The following TRIM9 variants were observed in gnomAD, a reference collection of about 807,000 sequenced individuals.
The protein encoded by TRIM9 is E3 ubiquitin-protein ligase TRIM9.
Under a neutral mutation model 78.3 loss-of-function variants are expected in TRIM9, and 26 were observed. That is an observed-to-expected ratio of 0.33 (90% CI 0.24 to 0.46). TRIM9 has a LOEUF of 0.46. Ranked by LOEUF, TRIM9 falls within the 20% of genes least tolerant of loss-of-function variation. The pLI is 1.00. For missense variants in TRIM9, 787 were observed against 1,036.4 expected, an observed-to-expected ratio of 0.76 and a Z score of 3.30; for synonymous variants, 398 against 416.5, an observed-to-expected ratio of 0.96 and a Z score of 0.54.
At chr14:51,006,755 G>T (rs1252279756) in intron 5 of TRIM9, among the ~76,000 whole-genome samples, 1 of 152,168 alleles carries the variant, frequency 6.6e-6, no homozygotes, top group Non-Finnish European at 1.5e-5. Context: ...TGTGGTTTCA[G>T]ATGGATTTGT....
intron 1 of TRIM9, among the ~76,000 whole-genome samples, chr14:51,025,809 C>CT (rs1182000306): frequency 1.3e-5 from 2 of 152,098 alleles, no homozygotes; most frequent in African/African-American, 4.8e-5. Context: ...GGGGTAGGTA[C>CT]TGGTGTGATC....
At chr14:51,004,117 C>T (rs1036929190) in intron 5 of TRIM9, among the ~76,000 whole-genome samples, 1 of 152,200 alleles carries the variant, frequency 6.6e-6, no homozygotes, top group African/African-American at 2.4e-5. Flanking sequence ...TTGGGGCTGT[C>T]ATAGCTATAT....
intron 8 of TRIM9, among the ~76,000 whole-genome samples, chr14:50,984,936 A>G (rs1320256667): frequency 6.6e-6 from 1 of 152,200 alleles, no homozygotes; most frequent in African/African-American, 2.4e-5. Context: ...CACAAAGAAG[A>G]ATGTCATTTT....
rs946761800 is a variant in TRIM9, at chr14:51,025,341, A to C, written c.842T>G (p.Leu281Arg). Residue 281 changes from leucine to arginine, a missense_variant, in exon 2 of 13, where the codon CTG becomes CGG. Around this residue, in one of 3 missense-constraint regions of TRIM9, gnomAD observed 352 missense variants for 472.3 expected, o/e 0.75. Transcript: ENST00000684578. ...TTTGGCCCTGTCTGACAGTCCGTTCAGCGCCTGGGAGAGCTGGCTCTGCAA... is the reference window on the plus strand; with the variant it reads ...TTTGGCCCTGTCTGACAGTCCGTTCCGCGCCTGGGAGAGCTGGCTCTGCAA... Reference protein sequence around the residue: ...KLHKSQLSQALNGLSDRAKEA... With the variant: ...KLHKSQLSQARNGLSDRAKEA... The C allele has an allele frequency of 3.1e-6, 5 of 1,614,138 alleles. No individual in the cohort carries two copies. The highest frequency in any genetic ancestry group is 3.4e-6 in the Non-Finnish European group (4 of 1,180,012).
At position 50,997,998 on chromosome 14, in the gene TRIM9, C is replaced by T. The variant is rs375992413; in HGVS notation, c.1603+52G>A. The T allele has an allele frequency of 5.0e-6, 8 of 1,611,142 alleles. No homozygotes were observed. The African/African-American group carries it at 1.1e-4, about 22-fold the overall frequency. Reference sequence around the variant, plus strand: ...GGGTTACCTCCGGGCTTGCCAGCCACTTTAGATGCCACGCAGTTCTCGCTC... The same window carrying T: ...GGGTTACCTCCGGGCTTGCCAGCCATTTTAGATGCCACGCAGTTCTCGCTC... On this transcript the variant is annotated intron_variant, in intron 7 of 12. Transcript: ENST00000684578.
chr14:51,070,516 AT>A (rs199920531), intron 1 of TRIM9, among the ~76,000 whole-genome samples: 621 of 143,924 alleles, frequency 4.3e-3, no homozygotes, highest in Admixed American at 5.0e-3. Context: ...AGTGTTTCAG[AT>A]TTTTTTTTTT....
Position 51,094,429 on chromosome 14 carries a change from A to G in TRIM9, c.511T>C (p.Cys171Arg). 6.2e-7 allele frequency: 1 copy of G among 1,613,980 alleles called. No individual in the cohort carries two copies. The highest frequency in any genetic ancestry group is 8.5e-7 in the Non-Finnish European group (1 of 1,180,016). ...GTGGCTTCCTTGGGCGCCTTCTCGC[A>G]GAGCTGGCACTTGAGGGCCGCGGCT... is the stretch of plus-strand genomic sequence containing the variant. The part of the protein sequence containing the change: ...SKAAALKCQL[C>R]EKAPKEATVM... The change falls in exon 1 of 13, where the codon TGC (cysteine) becomes CGC (arginine). Residue 171 changes from cysteine (C) to arginine (R), a missense_variant. Physicochemically the swap from Cys to Arg is radical, Grantham distance 180. Transcript: ENST00000684578.
intron 1 of TRIM9, among the ~76,000 whole-genome samples, chr14:51,068,560 TC>T (rs1164108651): frequency 6.6e-6 from 1 of 152,210 alleles, no homozygotes; most frequent in African/African-American, 2.4e-5. Flanking sequence ...GTTATTTTTA[TC>T]CCCGTTTTAC....
chr14:51,043,913 T>C (rs1248304120), intron 1 of TRIM9, among the ~76,000 whole-genome samples: 1 of 152,208 alleles, frequency 6.6e-6, no homozygotes, highest in Non-Finnish European at 1.5e-5. Flanking sequence ...ATTATTATTA[T>C]ATTAAATCTG....
intron 1 of TRIM9, among the ~76,000 whole-genome samples, chr14:51,085,897 G>A (rs143161105): frequency 8.3e-4 from 126 of 152,274 alleles, no homozygotes; most frequent in African/African-American, 2.9e-3. Flanking sequence ...TGACAGAGAA[G>A]CAGGATGAAC....
Position 50,979,473 on chromosome 14 carries a change from T to TA in TRIM9, c.2238dup (p.Ile747TyrfsTer4), listed in dbSNP as rs1367169899. 1 of 1,614,202 alleles carries TA rather than the reference T, an allele frequency of 6.2e-7. No homozygotes were observed. Among genetic ancestry groups the TA allele is most frequent in the Non-Finnish European group, 8.5e-7 (1 of 1,180,040 alleles). ...ATGGGACCTTGTTGTTCATCGTTGA[T>TA]AAAAAATGTCAAGTTTTTTCTATTT... is the stretch of plus-strand genomic sequence containing the variant. On this transcript the variant is annotated frameshift_variant, in exon 12 of 13. Transcript: ENST00000684578. LOFTEE classifies it high-confidence loss of function.
At chr14:50,994,076 T>A (rs1240703782) in intron 7 of TRIM9, among the ~76,000 whole-genome samples, 1 of 152,186 alleles carries the variant, frequency 6.6e-6, no homozygotes, top group East Asian at 1.9e-4. Context: ...TACTGGATTA[T>A]CCAGGTGGGC....
intron 3 of TRIM9, among the ~76,000 whole-genome samples, chr14:51,010,991 C>T (rs781272629): frequency 1.3e-5 from 2 of 152,148 alleles, no homozygotes; most frequent in African/African-American, 4.8e-5. Flanking sequence ...CCCCACAGCC[C>T]CACGGTCAAT....
intron 1 of TRIM9, among the ~76,000 whole-genome samples, chr14:51,031,149 A>AG (rs2058698327): frequency 6.7e-6 from 1 of 148,434 alleles, no homozygotes; most frequent in Non-Finnish European, 1.5e-5. Flanking sequence ...ACTCTTTCCA[A>AG]AAAAAAAAAA....
Position 51,015,241 on chromosome 14 carries a change from G to C in TRIM9, c.1042-4747C>G, listed in dbSNP as rs189731538. ...CAGTAGCACAGAGCAACTCAGGAGA[G>C]AGTACACAATACACAGGTAAAATTT... On this transcript the variant is annotated intron_variant, in intron 3 of 12. Transcript: ENST00000684578. Among the ~76,000 whole-genome samples, 295 of 152,224 alleles carry C rather than the reference G, an allele frequency of 1.9e-3. 2 individuals are homozygous for C. The highest frequency in any genetic ancestry group is 7.7e-4 in the East Asian group (4 of 5,166).
At chr14:51,071,100 C>A (rs1050108759) in intron 1 of TRIM9, among the ~76,000 whole-genome samples, 1 of 151,974 alleles carries the variant, frequency 6.6e-6, no homozygotes, top group East Asian at 1.9e-4. Flanking sequence ...GTGGAGGCGG[C>A]CAGGCACAGG....
At chr14:50,991,151 A>T (rs1380247587) in intron 7 of TRIM9, among the ~76,000 whole-genome samples, 1 of 152,230 alleles carries the variant, frequency 6.6e-6, no homozygotes, top group Admixed American at 6.5e-5. Flanking sequence ...GGCATTATTT[A>T]TAAGGAACTA....
intron 7 of TRIM9, among the ~76,000 whole-genome samples, chr14:50,991,648 A>G (rs2053523637): frequency 6.6e-6 from 1 of 152,172 alleles, no homozygotes; most frequent in Non-Finnish European, 1.5e-5. Flanking sequence ...ACTCATTATG[A>G]CCCTTGGAGG....
chr14:51,043,749 A>G (rs139964076), intron 1 of TRIM9, among the ~76,000 whole-genome samples: 5 of 152,326 alleles, frequency 3.3e-5, no homozygotes, highest in African/African-American at 1.2e-4. Flanking sequence ...AACTGAGAAG[A>G]GCTGGTAGCC....
Sources: allele counts gnomAD v4.1 joint callset (sites outside exome capture counted in the v4.1 genomes callset), GRCh38; gene constraint gnomAD v4.1.1; regional missense constraint gnomAD v4.1.1; transcripts MANE v1.5; gene names NCBI Gene and HGNC (gene_info 2026-07-23, HGNC 2026-07-21).